The following SPINK13 variants were observed in gnomAD, a reference collection of about 807,000 sequenced individuals.
The protein encoded by SPINK13 is serine protease inhibitor Kazal-type 13.
A neutral mutation model predicts 11.0 loss-of-function variants in SPINK13; 11 were observed. The ratio of observed to expected loss-of-function variants is 1.00; its 90% confidence interval spans 0.63 to 1.65. The LOEUF (loss-of-function observed/expected upper bound fraction) is 1.65. Ranked by LOEUF, SPINK13 falls within the 40% of genes most tolerant of loss-of-function variation. The pLI is 0.00. For synonymous variants in SPINK13, 31 were observed against 35.6 expected, an observed-to-expected ratio of 0.87 and a Z score of 0.46; for missense variants, 113 against 117.7, an observed-to-expected ratio of 0.96 and a Z score of 0.19.
chr5:148,278,584 G>A (rs566968842), intron 3 of SPINK13, among the ~76,000 whole-genome samples: 2 of 152,310 alleles, frequency 1.3e-5, no homozygotes, highest in African/African-American at 4.8e-5. Flanking sequence ...GCAGTTTTGA[G>A]TGAGTTTCTT....
At chr5:148,279,753 G>A (rs1411255433) in intron 3 of SPINK13, among the ~76,000 whole-genome samples, 11 of 152,188 alleles carry the variant, frequency 7.2e-5, no homozygotes, top group Non-Finnish European at 1.2e-4. Flanking sequence ...TGACATTTAT[G>A]TCTCTTGGGA....
At chr5:148,278,163 T>G (rs1422828923) in intron 3 of SPINK13, among the ~76,000 whole-genome samples, 1 of 152,182 alleles carries the variant, frequency 6.6e-6, no homozygotes, top group African/African-American at 2.4e-5. Context: ...TTCTTCCCTC[T>G]TTTCTTCTTA....
At chr5:148,277,978 G>A (rs974389767) in intron 3 of SPINK13, among the ~76,000 whole-genome samples, 4 of 152,004 alleles carry the variant, frequency 2.6e-5, no homozygotes, top group Non-Finnish European at 5.9e-5. Flanking sequence ...TTAGGGATTC[G>A]ACTTCTTCCT....
chr5:148,280,755 G>A (rs375829476), intron 3 of SPINK13, among the ~76,000 whole-genome samples: 4 of 152,194 alleles, frequency 2.6e-5, no homozygotes, highest in African/African-American at 9.6e-5. Context: ...CAGGAGGCAC[G>A]GGGGTCAGGG....
chr5:148,281,199 G>A (rs1756509214), intron 3 of SPINK13, among the ~76,000 whole-genome samples: 1 of 152,212 alleles, frequency 6.6e-6, no homozygotes, highest in African/African-American at 2.4e-5. Flanking sequence ...TTTCAAGCCA[G>A]TGGATCTTAG....
At chr5:148,273,191 C>T (rs1476562304) in intron 2 of SPINK13, among the ~76,000 whole-genome samples, 1 of 151,240 alleles carries the variant, frequency 6.6e-6, no homozygotes, top group African/African-American at 2.4e-5. Flanking sequence ...TTTTTTTCTT[C>T]CCTCAATTTT....
chr5:148,269,082 T>C (rs2067744453), intron 1 of SPINK13, 194 bp downstream of exon 1: 1 of 152,198 alleles, frequency 6.6e-6, no homozygotes, highest in Admixed American at 6.5e-5. Context: ...GCTACAATTT[T>C]GAAAGGAGAC....
chr5:148,285,957 CT>C (rs1166419037), intron 4 of SPINK13, 42 bp from the exon 5 acceptor site: 2 of 1,213,574 alleles, frequency 1.6e-6, no homozygotes, highest in East Asian at 5.3e-5. Flanking sequence ...CCAATGTTCA[CT>C]TTCCTTATGA....
At chr5:148,281,422 C>G (rs1050986207) in intron 3 of SPINK13, among the ~76,000 whole-genome samples, 3 of 152,084 alleles carry the variant, frequency 2.0e-5, no homozygotes, top group African/African-American at 7.2e-5. Context: ...GGTGTAGGGA[C>G]CTGAGGGAAT....
chr5:148,282,743 A>G (rs1436063944), intron 4 of SPINK13, among the ~76,000 whole-genome samples: 1 of 152,226 alleles, frequency 6.6e-6, no homozygotes, highest in African/African-American at 2.4e-5. Context: ...TTGACAGTCA[A>G]CTTTTCATAT....
intron 4 of SPINK13, 31 bp downstream of exon 4, chr5:148,282,262 T>C (rs1016933499): frequency 6.2e-7 from 1 of 1,607,664 alleles, no homozygotes; most frequent in Non-Finnish European, 8.5e-7. Context: ...CATTATTTTT[T>C]CCCTCTACTT....
chr5:148,283,568 G>A (rs1756548600), intron 4 of SPINK13, among the ~76,000 whole-genome samples: 1 of 152,102 alleles, frequency 6.6e-6, no homozygotes, highest in African/African-American at 2.4e-5. Flanking sequence ...GAGGATAATT[G>A]AAATGTCCTT....
chr5:148,280,508 T>TA (rs1756496638), intron 3 of SPINK13, among the ~76,000 whole-genome samples: 1 of 152,182 alleles, frequency 6.6e-6, no homozygotes, highest in Non-Finnish European at 1.5e-5. Flanking sequence ...TACTATTGCT[T>TA]TCGTTTGTTA....
chr5:148,280,895 C>T (rs1292977908), intron 3 of SPINK13, among the ~76,000 whole-genome samples: 1 of 152,190 alleles, frequency 6.6e-6, no homozygotes, highest in African/African-American at 2.4e-5. Flanking sequence ...CTGCCCCTTC[C>T]CCCAGGTGCT....
chr5:148,271,782 GC>G (rs1229145943), intron 2 of SPINK13, among the ~76,000 whole-genome samples: 7 of 151,944 alleles, frequency 4.6e-5, no homozygotes, highest in Non-Finnish European at 8.8e-5. Flanking sequence ...CCGCCACCAC[GC>G]CTGGCTAATT....
At chr5:148,271,075 A>G (rs1266446326) in intron 2 of SPINK13, among the ~76,000 whole-genome samples, 1 of 152,266 alleles carries the variant, frequency 6.6e-6, no homozygotes, top group Non-Finnish European at 1.5e-5. Flanking sequence ...AGAAAATAGT[A>G]CACCTGCAAA....
intron 2 of SPINK13, among the ~76,000 whole-genome samples, chr5:148,273,934 A>G (rs892287910): frequency 2.0e-5 from 3 of 152,362 alleles, no homozygotes; most frequent in Admixed American, 6.5e-5. Context: ...TGCCCACTTT[A>G]ATTCAGCATC....
intron 3 of SPINK13, among the ~76,000 whole-genome samples, chr5:148,280,573 A>T (rs1209031913): frequency 6.6e-6 from 1 of 152,148 alleles, no homozygotes; most frequent in Non-Finnish European, 1.5e-5. Context: ...AGTTTGCTGG[A>T]GGTCCACTCC....
chr5:148,285,211 T>G (rs1756572486), intron 4 of SPINK13, among the ~76,000 whole-genome samples: 1 of 152,158 alleles, frequency 6.6e-6, no homozygotes, highest in African/African-American at 2.4e-5. Flanking sequence ...GTGATGGAAG[T>G]GGCTCACATC....
Sources: allele counts gnomAD v4.1 joint callset (sites outside exome capture counted in the v4.1 genomes callset), GRCh38; gene constraint gnomAD v4.1.1; transcripts MANE v1.5; gene names NCBI Gene and HGNC (gene_info 2026-07-23, HGNC 2026-07-21).